ADAMTSL3: variants seen among roughly 807,000 people sequenced by gnomAD.
ADAMTSL3 encodes the protein ADAMTS-like protein 3.
A neutral mutation model predicts 201.7 loss-of-function variants in ADAMTSL3; 128 were observed. The ratio of observed to expected loss-of-function variants is 0.63; its 90% CI spans 0.55 to 0.73. The LOEUF (loss-of-function observed/expected upper bound fraction) is 0.73, where lower values mean the gene tolerates loss of function less well. Ranked by LOEUF, ADAMTSL3 falls within the 30% of genes least tolerant of loss-of-function variation. ADAMTSL3 has a pLI of 0.00. For missense variants in ADAMTSL3, 1,990 were observed against 2,119.6 expected (o/e 0.94, Z 1.20); for synonymous variants, 738 against 748.4 (o/e 0.99, Z 0.23).
At chr15:83,883,444 A>G (rs1483855613) in intron 9 of ADAMTSL3, among the ~76,000 whole-genome samples, 3 of 151,544 alleles carry the variant, frequency 2.0e-5, no homozygotes, top group African/African-American at 7.3e-5. Flanking sequence ...AAGTGCTGGG[A>G]TTACAGGCAT....
intron 9 of ADAMTSL3, among the ~76,000 whole-genome samples, chr15:83,876,890 T>G (rs1386272330): frequency 6.6e-6 from 1 of 152,202 alleles, no homozygotes; most frequent in East Asian, 1.9e-4. Context: ...CCTCATGGGT[T>G]CAAGCTATTC....
chr15:83,794,898 G>A (rs942896932), intron 4 of ADAMTSL3, among the ~76,000 whole-genome samples: 37 of 152,150 alleles, frequency 2.4e-4, no homozygotes, highest in African/African-American at 4.6e-4. Context: ...CGTTGTCCAG[G>A]CTTGAGTACA....
chr15:83,951,689 G>A (rs1600641), intron 19 of ADAMTSL3, among the ~76,000 whole-genome samples: 119,294 of 152,048 alleles, frequency 0.78, 47,030 homozygotes, highest in African/African-American at 0.85. Flanking sequence ...GATCTTGTTA[G>A]CTTGTTATTG....
Position 83,819,846 on chromosome 15 carries a change from G to C in ADAMTSL3, c.399G>C (p.Gln133His). 6.2e-7 allele frequency: 1 copy of C among 1,614,028 alleles called. No homozygotes were observed. The highest frequency in any genetic ancestry group is 8.5e-7 in the Non-Finnish European group (1 of 1,180,032). Residue 133 changes from glutamine to histidine, a missense_variant, in exon 6 of 30, where the codon CAG (glutamine) becomes CAC (histidine). Gln to His is a conservative substitution (Grantham distance 24, BLOSUM62 0). Coordinates refer to ENST00000286744, the MANE Select transcript of ADAMTSL3 (RefSeq NM_207517.3). ...CPPDAEDFRA[Q>H]QCSAYNDVQY... ...CAGATGCAGAAGATTTCAGAGCCCA[G>C]CAGTGCTCAGCCTACAATGATGTCC...
intron 3 of ADAMTSL3, among the ~76,000 whole-genome samples, chr15:83,742,560 T>C (rs1243554577): frequency 6.6e-6 from 1 of 152,204 alleles, no homozygotes; most frequent in Non-Finnish European, 1.5e-5. Context: ...ATGGATAGAC[T>C]TCTAATTAGT....
At chr15:83,677,448 A>AACTT (rs2061422139) in intron 2 of ADAMTSL3, among the ~76,000 whole-genome samples, 1 of 150,466 alleles carries the variant, frequency 6.6e-6, no homozygotes. Flanking sequence ...AATATTTTGA[A>AACTT]ACTTTGTTGT....
intron 15 of ADAMTSL3, among the ~76,000 whole-genome samples, chr15:83,907,325 T>C (rs2065857710): frequency 6.6e-6 from 1 of 152,196 alleles, no homozygotes; most frequent in Non-Finnish European, 1.5e-5. Context: ...ATTTTTATCA[T>C]AAACATCTAG....
intron 15 of ADAMTSL3, among the ~76,000 whole-genome samples, chr15:83,906,623 CACACACA>C (rs2065840421): frequency 1.5e-3 from 1 of 648 alleles, no homozygotes; most frequent in Non-Finnish European, 4.1e-3. Context: ...TGCCACACAC[CACACACA>C]CACACACACA....
At chr15:83,860,289 C>A (rs1189789934) in intron 8 of ADAMTSL3, among the ~76,000 whole-genome samples, 1 of 152,102 alleles carries the variant, frequency 6.6e-6, no homozygotes, top group Admixed American at 6.5e-5. Flanking sequence ...TGGGACAAAA[C>A]AAAACAAAAT....
chr15:83,980,035 T>A (rs2067357598), intron 20 of ADAMTSL3, among the ~76,000 whole-genome samples: 1 of 152,210 alleles, frequency 6.6e-6, no homozygotes, highest in Non-Finnish European at 1.5e-5. Flanking sequence ...CTGAGATTAG[T>A]GAATACTAAC....
chr15:83,925,391 G>A (rs554539707), intron 17 of ADAMTSL3, among the ~76,000 whole-genome samples: 107 of 152,326 alleles, frequency 7.0e-4, no homozygotes, highest in African/African-American at 2.1e-3. Context: ...CCATCTGGCT[G>A]TGCGTGGTTG....
At chr15:83,923,328 G>C (rs913929355) in intron 16 of ADAMTSL3, among the ~76,000 whole-genome samples, 15 of 152,114 alleles carry the variant, frequency 9.9e-5, no homozygotes, top group African/African-American at 3.4e-4. Flanking sequence ...AAAGCACTTT[G>C]TACACTTTCC....
At chr15:83,901,909 A>G (rs2065732261) in intron 15 of ADAMTSL3, among the ~76,000 whole-genome samples, 1 of 152,192 alleles carries the variant, frequency 6.6e-6, no homozygotes, top group African/African-American at 2.4e-5. Context: ...GGTCCTACCA[A>G]GATCTTTTGC....
At chr15:83,827,452 T>G (rs1415462563) in intron 6 of ADAMTSL3, among the ~76,000 whole-genome samples, 5 of 152,214 alleles carry the variant, frequency 3.3e-5, no homozygotes, top group Admixed American at 6.5e-5. Context: ...TTTCTCCCAT[T>G]CTATAGGTTG....
intron 4 of ADAMTSL3, among the ~76,000 whole-genome samples, chr15:83,801,432 G>A (rs1163010420): frequency 6.6e-6 from 1 of 151,336 alleles, no homozygotes; most frequent in Admixed American, 6.6e-5. Flanking sequence ...AGTTTAAGGT[G>A]AAGATGGCAT....
chr15:83,784,415 A>G lies in ADAMTSL3; in HGVS notation c.317+10765A>G, dbSNP rs186204330. ...TAGTTTATGTACTCTCTTTTAATTC[A>G]GTCTTGCTTACCCTATGTATAGCAA... On this transcript the variant is annotated intron_variant, in intron 4 of 29. Transcript: ENST00000286744. Among the ~76,000 whole-genome samples the G allele has an allele frequency of 5.0e-3, 767 of 152,236 alleles. 7 individuals carry two copies. Among genetic ancestry groups the G allele is most frequent in the Non-Finnish European group, 5.2e-3 (352 of 68,006 alleles).
chr15:84,018,621 G>A (rs1441284214), intron 25 of ADAMTSL3, among the ~76,000 whole-genome samples: 1 of 152,100 alleles, frequency 6.6e-6, no homozygotes, highest in Admixed American at 6.6e-5. Flanking sequence ...CCATAAAATT[G>A]GAATAAGGTT....
chr15:83,868,933 C>A (rs560332923), intron 8 of ADAMTSL3, among the ~76,000 whole-genome samples: 1 of 152,160 alleles, frequency 6.6e-6, no homozygotes, highest in Non-Finnish European at 1.5e-5. Context: ...CTGGTCCTCC[C>A]TTCCTCCCAG....
intron 3 of ADAMTSL3, among the ~76,000 whole-genome samples, chr15:83,746,617 GAATGATATTTAC>G (rs1333618505): frequency 7.9e-5 from 12 of 152,272 alleles, no homozygotes; most frequent in Middle Eastern, 6.8e-3. Context: ...TGGGTAATGT[GAATGATATTTAC>G]AATGATAGTT....
Sources: gnomAD v4.1 joint callset for allele counts (sites outside exome capture counted in the v4.1 genomes callset) on GRCh38, gnomAD v4.1.1 for gene constraint, MANE v1.5 for transcripts, NCBI Gene and HGNC (gene_info 2026-07-23, HGNC 2026-07-21) for gene names.